CCT2: variants seen among roughly 807,000 people sequenced by gnomAD.
The protein encoded by CCT2 is chaperonin containing TCP1 subunit 2.
CCT2 carries 18 observed loss-of-function variants against 61.8 expected under a neutral mutation model. The observed-to-expected ratio is 0.29, with a 90% CI of 0.20 to 0.43. The LOEUF (loss-of-function observed/expected upper bound fraction) is 0.43. Ranked by LOEUF, CCT2 falls within the 20% of genes least tolerant of loss-of-function variation. The pLI, the probability that CCT2 is intolerant of heterozygous loss-of-function variation, is 1.00. For missense variants in CCT2, 556 were observed against 656.9 expected (o/e 0.85, Z 1.68); for synonymous variants, 248 against 215.9 (o/e 1.15, Z -1.30).
chr12:69,588,250 C>A lies in CCT2; in HGVS notation c.434C>A (p.Ala145Glu). ...GCAAGAGAGGCGCTGTTGAGTTCTG[C>A]AGTTGATCATGGGTTTGTATAGCAA... ...KAAREALLSS[A>E]VDHGSDEVKF... is the part of the protein sequence containing the mutation. Residue 145 changes from alanine to glutamate, a missense_variant, in exon 6 of 16, where the codon GCA (alanine) becomes GAA (glutamate). Transcript: ENST00000299300. The A allele has an allele frequency of 6.2e-7, 1 of 1,611,698 alleles. No homozygotes were observed. Among genetic ancestry groups the A allele is most frequent in the Non-Finnish European group, 8.5e-7 (1 of 1,177,746 alleles).
At chr12:69,599,727 A>C in intron 14 of CCT2, 136 bp from the exon 15 acceptor site, 1 of 587,518 alleles carries the variant, frequency 1.7e-6, no homozygotes. Context: ...GCTCATTTGT[A>C]GGCTTATCTA....
chr12:69,587,568 A>C lies in CCT2; in HGVS notation c.208A>C (p.Ile70Leu). Residue 70 changes from isoleucine to leucine, a missense_variant, in exon 4 of 16, where the codon ATT (isoleucine) becomes CTT (leucine). Around this residue, in one of 3 missense-constraint regions of CCT2, gnomAD observed 308 missense variants for 350.6 expected, o/e 0.88. Transcript: ENST00000299300. ...TATGGTAACCAATGATGGTGCCACTATTCTAAAAAACATTGGTGTTGACAA... is the reference window on the plus strand; with the variant it reads ...TATGGTAACCAATGATGGTGCCACTCTTCTAAAAAACATTGGTGTTGACAA... ...SLMVTNDGAT[I>L]LKNIGVDNPA... 1 of 1,613,910 alleles carries C rather than the reference A, an allele frequency of 6.2e-7. No homozygotes were observed. Among genetic ancestry groups the C allele is most frequent in the Non-Finnish European group, 8.5e-7 (1 of 1,179,792 alleles).
intron 6 of CCT2, chr12:69,588,470 T>C (rs535665382): frequency 1.7e-5 from 9 of 516,190 alleles, no homozygotes; most frequent in Admixed American, 1.4e-4. Context: ...ATCATCAAAA[T>C]ATACAAATAA....
At chr12:69,590,997 G>A (rs1881819012) in intron 7 of CCT2, among the ~76,000 whole-genome samples, 2 of 152,170 alleles carry the variant, frequency 1.3e-5, no homozygotes, top group Non-Finnish European at 2.9e-5. Context: ...GGGATTACAG[G>A]CGTGAGCCAC....
intron 1 of CCT2, chr12:69,585,926 C>T: frequency 2.4e-6 from 3 of 1,265,032 alleles, no homozygotes; most frequent in East Asian, 3.7e-5. Flanking sequence ...GCCGCGTTCC[C>T]TCGCCCGCCC....
In CCT2 at chr12:69,586,361, G is replaced by C. The variant is rs484319; in HGVS notation, c.78+17G>C. The stretch of plus-strand genomic sequence containing the variant: ...GCTCGTCTGGTAAGCCTTGTTCTAA[G>C]CATTGTTTTAAAGATAAAACTGGAG... On this transcript the variant is annotated intron_variant, in intron 2 of 15. Coordinates refer to ENST00000299300, the MANE Select transcript of CCT2 (RefSeq NM_006431.3). 0.73 allele frequency: 1,146,243 copies of C among 1,580,700 alleles called. 420,476 individuals carry two copies. Among genetic ancestry groups the C allele is most frequent in the East Asian group, 0.93 (41,435 of 44,700 alleles).
intron 4 of CCT2, 75 bp downstream of exon 4, chr12:69,587,691 G>A: frequency 1.0e-6 from 1 of 966,960 alleles, no homozygotes; most frequent in Non-Finnish European, 1.6e-6. Flanking sequence ...TTATAAATAG[G>A]CTGTGTTGAC....
intron 7 of CCT2, among the ~76,000 whole-genome samples, chr12:69,590,807 C>G (rs1033797254): frequency 6.6e-6 from 1 of 151,824 alleles, no homozygotes; most frequent in African/African-American, 2.4e-5. Flanking sequence ...ACCACTGCCT[C>G]CTGAGTTAAG....
intron 14 of CCT2, among the ~76,000 whole-genome samples, chr12:69,598,896 C>T (rs1882071932): frequency 6.7e-6 from 1 of 149,086 alleles, no homozygotes; most frequent in African/African-American, 2.6e-5. Flanking sequence ...ATAGAGTAGT[C>T]TTAAGAAGGT....
chr12:69,601,175 C>A, intron 15 of CCT2, 120 bp from the exon 16 acceptor site: 1 of 795,948 alleles, frequency 1.3e-6, no homozygotes, highest in Non-Finnish European at 2.0e-6. Context: ...CACATGCAAA[C>A]CATTGCAGAG....
chr12:69,598,436 G>T lies in CCT2; in HGVS notation c.1435+15G>T. 6.7e-7 allele frequency: 1 copy of T among 1,494,372 alleles called. No individual in the cohort carries two copies. Among genetic ancestry groups the T allele is most frequent in the Non-Finnish European group, 9.0e-7 (1 of 1,106,780 alleles). 92.6% of individuals were successfully genotyped at this position (1,494,372 alleles called of 1,614,324 possible). On this transcript the variant is annotated intron_variant, in intron 14 of 15. Transcript: ENST00000299300. ...TGCTGGATTGGGTAAGCAATCAAGG[G>T]GAACTTTGTGGCCGTTGTTAAAAGT...
intron 6 of CCT2, chr12:69,588,517 C>T (rs12313616): frequency 0.021 from 6,340 of 303,022 alleles, 348 homozygotes; most frequent in African/African-American, 0.13. Context: ...AATTTGTTAG[C>T]CTCTTTTTAA....
In CCT2 at chr12:69,597,662, G is replaced by T. The variant is rs773803414; in HGVS notation, c.1127G>T (p.Arg376Leu). ...ALGEACTIVL[R>L]GATQQILDEA... ...GGTGAGGCTTGTACCATTGTTTTGCGTGGTGCCACTCAACAAATTTTAGAT... is the reference window on the plus strand; with the variant it reads ...GGTGAGGCTTGTACCATTGTTTTGCTTGGTGCCACTCAACAAATTTTAGAT... The change falls in exon 12 of 16, where the codon CGT (arginine) becomes CTT (leucine). Residue 376 changes from arginine (R) to leucine (L), a missense_variant. Physicochemically the swap from Arg to Leu is moderately radical, Grantham distance 102 (BLOSUM62 -2). This residue lies in a region of CCT2 where 225 missense variants were observed against 249.8 expected (regional missense o/e 0.90). Coordinates refer to ENST00000299300, the MANE Select transcript of CCT2 (RefSeq NM_006431.3). 1.9e-6 allele frequency: 3 copies of T among 1,613,790 alleles called. No individual in the cohort carries two copies. Among genetic ancestry groups the T allele is most frequent in the Non-Finnish European group, 2.5e-6 (3 of 1,179,862 alleles).
At position 69,587,773 on chromosome 12, in the gene CCT2, G is replaced by T. The variant is rs531299887; in HGVS notation, c.256+157G>T. On this transcript the variant is annotated intron_variant, in intron 4 of 15. Coordinates refer to ENST00000299300, the MANE Select transcript of CCT2 (RefSeq NM_006431.3). ...TAAAATACAAGCTTCAGGAGTGCCC[G>T]TATGTTGGTGGTAAAACTGTTGCAT... The T allele has an allele frequency of 4.1e-6, 3 of 736,672 alleles. No homozygotes were observed. The East Asian group carries it at 8.0e-5, about 20-fold the overall frequency. 45.6% of individuals were successfully genotyped at this position (736,672 alleles called of 1,614,324 possible).
At chr12:69,594,632 A>G (rs1387576442) in intron 10 of CCT2, among the ~76,000 whole-genome samples, 1 of 152,180 alleles carries the variant, frequency 6.6e-6, no homozygotes, top group Non-Finnish European at 1.5e-5. Flanking sequence ...CAAGGCAGGA[A>G]GATTGCTTGA....
chr12:69,585,478 C>G lies in CCT2; in HGVS notation c.-44C>G, dbSNP rs1482098082. On this transcript the variant is annotated 5_prime_UTR_variant, in exon 1 of 16. Transcript: ENST00000299300. The stretch of plus-strand genomic sequence containing the variant: ...TCCTTCAGTCCGCTGGTCCCGAGCA[C>G]GAGCTGTGAGGGGATTCACTTGTGT... The G allele has an allele frequency of 5.8e-6, 9 of 1,556,308 alleles. No individual in the cohort carries two copies. Among genetic ancestry groups the G allele is most frequent in the Non-Finnish European group, 7.0e-6 (8 of 1,149,142 alleles).
intron 10 of CCT2, 150 bp downstream of exon 10, chr12:69,593,763 AG>A (rs1813096274): frequency 1.9e-6 from 1 of 536,840 alleles, no homozygotes; most frequent in Non-Finnish European, 3.3e-6. Context: ...TTAGATACAT[AG>A]ATACATTACA....
intron 12 of CCT2, 56 bp from the exon 13 acceptor site, chr12:69,597,912 C>A: frequency 6.8e-7 from 1 of 1,476,392 alleles, no homozygotes; most frequent in South Asian, 1.2e-5. Context: ...GTCAGTAATT[C>A]AGTATCTTGG....
chr12:69,598,692 A>G (rs1882065928), intron 14 of CCT2, among the ~76,000 whole-genome samples: 1 of 152,250 alleles, frequency 6.6e-6, no homozygotes, highest in South Asian at 2.1e-4. Context: ...AATATAAACA[A>G]TACTTACATT....
Sources: allele counts gnomAD v4.1 joint callset (sites outside exome capture counted in the v4.1 genomes callset), GRCh38; gene constraint gnomAD v4.1.1; regional missense constraint gnomAD v4.1.1; transcripts MANE v1.5; gene names NCBI Gene and HGNC (gene_info 2026-07-23, HGNC 2026-07-21).